ZNF541: variants seen among roughly 807,000 people sequenced by gnomAD.
ZNF541 encodes the protein zinc finger protein 541.
In ZNF541, 23 loss-of-function variants were observed where a neutral mutation model predicts 123.5. That is an observed-to-expected ratio of 0.19 (90% CI 0.13 to 0.26). The LOEUF is 0.26. Among genes scored for constraint, ZNF541 ranks in the 10% least tolerant of loss-of-function variants. The probability of loss-of-function intolerance (pLI) is 1.00; values close to 1 mark genes in which losing one functional copy is unlikely to be tolerated. For synonymous variants in ZNF541, 751 were observed against 754.5 expected (o/e 1.00, Z 0.08); for missense variants, 1,612 against 1,789.9 (o/e 0.90, Z 1.79).
intron 2 of ZNF541, among the ~76,000 whole-genome samples, chr19:47,560,174 C>G (rs1320078224): frequency 6.6e-6 from 1 of 152,128 alleles, no homozygotes. Flanking sequence ...GTCAAATGAA[C>G]TAGATGCTGC....
chr19:47,548,432 G>C (rs1217919779), intron 4 of ZNF541, among the ~76,000 whole-genome samples: 1 of 110,762 alleles, frequency 9.0e-6, no homozygotes, highest in Admixed American at 1.2e-4. Flanking sequence ...GACAGAGCAA[G>C]ACTCCATCTC....
In ZNF541 at chr19:47,545,292, A is replaced by C. The variant is rs1970288900; in HGVS notation, c.1237T>G (p.Phe413Val). 12 of 1,549,784 alleles carry C rather than the reference A, an allele frequency of 7.7e-6. No individual in the cohort carries two copies. The highest frequency in any genetic ancestry group is 1.0e-5 in the Non-Finnish European group (12 of 1,146,760). ...CCCGGCAGGTTCCGGAGCCACTGGA[A>C]GCTGTGGCTCGATGGCTGGGAACTG... ...PASSQPSSHSFQWLRNLPGCP... is the reference protein window; with the variant it reads ...PASSQPSSHSVQWLRNLPGCP... Residue 413 changes from phenylalanine (F) to valine (V), a missense_variant, in exon 5 of 17, where the codon TTC (phenylalanine) becomes GTC (valine). By Grantham distance (50) the Phe-to-Val change is conservative. Coordinates refer to ENST00000391901, the MANE Select transcript of ZNF541 (RefSeq NM_001277075.3). This position sits in a 1 kb window ranked among gnomAD's most constrained non-coding sequence, Gnocchi z 7.5.
chr19:47,566,129 A>G (rs1044902839), intron 2 of ZNF541, among the ~76,000 whole-genome samples: 7 of 152,166 alleles, frequency 4.6e-5, no homozygotes, highest in African/African-American at 1.7e-4. Flanking sequence ...GTGAGCCAAG[A>G]TTGTGCCACT....
chr19:47,528,396 C>T (rs1235391505), intron 14 of ZNF541, among the ~76,000 whole-genome samples: 2 of 150,826 alleles, frequency 1.3e-5, no homozygotes, highest in African/African-American at 4.9e-5. Flanking sequence ...CCACTCACTG[C>T]AACTCTGCCT....
chr19:47,548,129 CA>C (rs60292081), intron 4 of ZNF541, among the ~76,000 whole-genome samples: 47,737 of 135,096 alleles, frequency 0.35, 11,211 homozygotes, highest in African/African-American at 0.7. Flanking sequence ...GAAAAAAAAA[CA>C]AAAAAAAAAA....
chr19:47,542,956 A>T (rs1970146798), intron 5 of ZNF541, among the ~76,000 whole-genome samples: 1 of 151,974 alleles, frequency 6.6e-6, no homozygotes, highest in African/African-American at 2.4e-5. Flanking sequence ...ATAAATAAAT[A>T]AAATAAATTT....
Position 47,544,786 on chromosome 19 carries a change from A to G in ZNF541, c.1743T>C (p.Pro581=). The G allele has an allele frequency of 1.3e-6, 2 of 1,518,966 alleles. No homozygotes were observed. The highest frequency in any genetic ancestry group is 8.8e-7 in the Non-Finnish European group (1 of 1,136,544). 94.1% of individuals were successfully genotyped at this position (1,518,966 alleles called of 1,614,324 possible). Residue 581 remains proline (P), a synonymous_variant, in exon 5 of 17, where the codon CCT becomes CCC. Coordinates refer to ENST00000391901, the MANE Select transcript of ZNF541 (RefSeq NM_001277075.3). The part of the protein sequence containing the change: ...AQVAAVSSQL[P]APEGKPAALR... The stretch of plus-strand genomic sequence containing the variant: ...GGGCGGCTGGTTTGCCCTCGGGCGC[A>G]GGGAGCTGGGAGGAGACTGCTGCCA...
Position 47,538,179 on chromosome 19 carries a change from A to T in ZNF541, c.3057T>A (p.Thr1019=), listed in dbSNP as rs1001624222. 3.2e-6 allele frequency: 5 copies of T among 1,551,118 alleles called. No homozygotes were observed. The highest frequency in any genetic ancestry group is 2.0e-5 in the Admixed American group (1 of 50,978). The change falls in exon 9 of 17, where the codon ACT becomes ACA. Residue 1019 remains threonine, a synonymous_variant. Transcript: ENST00000391901. The part of the protein sequence containing the change: ...VYFNTLCSTS[T]QASPDQLISS... ...TGATGAGCTGGTCAGGGCTGGCCTG[A>T]GTGGACGTGGAACAGAGGGTGTTGA... is the stretch of plus-strand genomic sequence containing the variant.
Position 47,545,343 on chromosome 19 carries a change from G to C in ZNF541, c.1186C>G (p.Leu396Val). 1 of 1,546,366 alleles carries C rather than the reference G, an allele frequency of 6.5e-7. No individual in the cohort carries two copies. The change falls in exon 5 of 17, where the codon CTC becomes GTC. Residue 396 changes from leucine (L) to valine (V), a missense_variant. By Grantham distance (32) the Leu-to-Val change is conservative. Transcript: ENST00000391901. This position sits in a 1 kb window ranked among gnomAD's most constrained non-coding sequence, Gnocchi z 7.5. The part of the protein sequence containing the change: ...EGGSVPACLP[L>V]FRGQTVPASS... The stretch of plus-strand genomic sequence containing the variant: ...GCAGGGACCGTCTGGCCTCGGAAGA[G>C]AGGCAGGCAGGCAGGCACGGAGCCG...
In ZNF541 at chr19:47,540,251, C is replaced by T. The variant is rs913898255; in HGVS notation, c.2547G>A (p.Thr849=). ...ACATGTGGCTGCTCAGCCCTTTCTC[C>T]GTATAAAACATCTGGCTGCAGTTCT... The part of the protein sequence containing the change: ...VCKNCSQMFY[T]EKGLSSHMCF... Residue 849 remains threonine (T), a synonymous_variant, in exon 7 of 17, where the codon ACG becomes ACA. Transcript: ENST00000391901. The T allele has an allele frequency of 1.4e-5, 21 of 1,551,690 alleles. No individual in the cohort carries two copies. The highest frequency in any genetic ancestry group is 2.4e-5 in the East Asian group (1 of 40,942).
In ZNF541 at chr19:47,532,149, T is replaced by C; in HGVS notation, c.3280A>G (p.Ser1094Gly). 5 of 1,551,778 alleles carry C rather than the reference T, an allele frequency of 3.2e-6. No individual in the cohort carries two copies. Among genetic ancestry groups the C allele is most frequent in the Non-Finnish European group, 4.4e-6 (5 of 1,147,004 alleles). The change falls in exon 11 of 17, where the codon AGC becomes GGC. Residue 1094 changes from serine to glycine, a missense_variant. By Grantham distance (56) the Ser-to-Gly change is moderately conservative (BLOSUM62 0). Transcript: ENST00000391901. Reference sequence around the variant, plus strand: ...CCACCTCTATCCTGTGTCTCTGAGCTGATCATCATATCTCCCCATGGCTTC... The same window carrying C: ...CCACCTCTATCCTGTGTCTCTGAGCCGATCATCATATCTCCCCATGGCTTC... ...VWKPWGDMMI[S>G]SETQDRVTEL... is the part of the protein sequence containing the mutation.
chr19:47,521,786 G>T lies in ZNF541; in HGVS notation c.3711+68C>A. 1 of 1,533,670 alleles carries T rather than the reference G, an allele frequency of 6.5e-7. No individual in the cohort carries two copies. Among genetic ancestry groups the T allele is most frequent in the Non-Finnish European group, 8.8e-7 (1 of 1,136,442 alleles). On this transcript the variant is annotated intron_variant, in intron 15 of 16. Transcript: ENST00000391901. This position sits in a 1 kb window ranked among gnomAD's most constrained non-coding sequence, Gnocchi z 4.2. ...AGCACCCCCGCCCTCTGACCCCACC[G>T]TCCAACTCAACGGGTAGCAGGCACT...
chr19:47,563,987 A>G (rs1043921744), intron 2 of ZNF541, among the ~76,000 whole-genome samples: 8 of 152,146 alleles, frequency 5.3e-5, no homozygotes. Flanking sequence ...CTTCTCACAA[A>G]AACCTAGATT....
chr19:47,539,058 C>T (rs901500055), intron 8 of ZNF541, among the ~76,000 whole-genome samples: 1 of 152,106 alleles, frequency 6.6e-6, no homozygotes, highest in Non-Finnish European at 1.5e-5. Flanking sequence ...GGGTCAGGAG[C>T]CCCCTGGGAA....
At chr19:47,568,989 T>C (rs1971374300) in intron 2 of ZNF541, among the ~76,000 whole-genome samples, 1 of 152,172 alleles carries the variant, frequency 6.6e-6, no homozygotes, top group Non-Finnish European at 1.5e-5. Flanking sequence ...AATATTATTG[T>C]AAACTATAGA....
chr19:47,560,561 G>A (rs1218791422), intron 2 of ZNF541, among the ~76,000 whole-genome samples: 2 of 147,580 alleles, frequency 1.4e-5, no homozygotes, highest in Admixed American at 6.8e-5. Context: ...AGGAGACAAG[G>A]GCAAAACTCT....
chr19:47,521,307 T>A lies in ZNF541; in HGVS notation c.3958A>T (p.Ile1320Phe). The A allele has an allele frequency of 6.4e-7, 1 of 1,551,736 alleles. No homozygotes were observed. The highest frequency in any genetic ancestry group is 8.7e-7 in the Non-Finnish European group (1 of 1,146,996). ...RHRLQDHVEP[I>F]IRVKWPVKPF... ...TTCACTGGCCACTTCACCCTGATGA[T>A]GGGCTCCACGTGGTCCTGAAGGCGG... The change falls in exon 17 of 17, where the codon ATC becomes TTC. Residue 1320 changes from isoleucine to phenylalanine, a missense_variant. Ile to Phe is a conservative substitution (Grantham distance 21). This residue lies in a region of ZNF541 where 30 missense variants were observed against 48.9 expected (regional missense o/e 0.61). Coordinates refer to ENST00000391901, the MANE Select transcript of ZNF541 (RefSeq NM_001277075.3). This position sits in a 1 kb window ranked among gnomAD's most constrained non-coding sequence, Gnocchi z 4.2.
chr19:47,541,314 A>T (rs1970070913), intron 5 of ZNF541, among the ~76,000 whole-genome samples: 1 of 152,130 alleles, frequency 6.6e-6, no homozygotes, highest in Non-Finnish European at 1.5e-5. Flanking sequence ...GCGACTCAGG[A>T]GGCTGAGGTG....
intron 9 of ZNF541, among the ~76,000 whole-genome samples, chr19:47,537,000 T>C (rs762003718): frequency 2.6e-5 from 4 of 152,116 alleles, no homozygotes; most frequent in Non-Finnish European, 5.9e-5. Context: ...TATTGTATGA[T>C]TCTACTTACA....
Sources: gnomAD v4.1 joint callset for allele counts (sites outside exome capture counted in the v4.1 genomes callset) on GRCh38, gnomAD v4.1.1 for gene constraint, gnomAD v4.1.1 regional missense constraint, Gnocchi (gnomAD v3.1) non-coding constraint, MANE v1.5 for transcripts, NCBI Gene and HGNC (gene_info 2026-07-23, HGNC 2026-07-21) for gene names.